IL23R: variants seen among roughly 807,000 people sequenced by gnomAD.
IL23R encodes the protein interleukin 23 receptor.
A neutral mutation model predicts 56.9 loss-of-function variants in IL23R; 34 were observed. The observed-to-expected ratio is 0.60, with a 90% confidence interval of 0.45 to 0.80. IL23R has a LOEUF of 0.80. IL23R is among the 30% of genes least tolerant of loss of function. The pLI, the probability that IL23R is intolerant of heterozygous loss-of-function variation, is 0.00. For missense variants in IL23R, 635 were observed against 730.0 expected, an observed-to-expected ratio of 0.87 and a Z score of 1.50; for synonymous variants, 230 against 249.2, an observed-to-expected ratio of 0.92 and a Z score of 0.73.
intron 6 of IL23R, among the ~76,000 whole-genome samples, chr1:67,209,084 C>T (rs993830616): frequency 6.6e-6 from 1 of 152,140 alleles, no homozygotes; most frequent in Non-Finnish European, 1.5e-5. Flanking sequence ...GCTGTAACCC[C>T]TTTGTTTTGG....
chr1:67,194,348 C>T (rs989958645), intron 4 of IL23R, among the ~76,000 whole-genome samples: 1 of 152,134 alleles, frequency 6.6e-6, no homozygotes, highest in African/African-American at 2.4e-5. Context: ...CCCCTGGCAA[C>T]CAGCCCCTAC....
At chr1:67,159,661 G>A (rs1048907092) in intron 1 of IL23R, among the ~76,000 whole-genome samples, 1 of 152,216 alleles carries the variant, frequency 6.6e-6, no homozygotes, top group African/African-American at 2.4e-5. Flanking sequence ...GGGAGGCTGA[G>A]GCTGGAGGAT....
chr1:67,214,470 A>G (rs1461495573), intron 6 of IL23R, among the ~76,000 whole-genome samples: 1 of 152,226 alleles, frequency 6.6e-6, no homozygotes, highest in Non-Finnish European at 1.5e-5. Context: ...TGAGATAACA[A>G]ATATTCTTTC....
At chr1:67,152,445 A>G (rs957169737) in intron 1 of IL23R, among the ~76,000 whole-genome samples, 2 of 152,096 alleles carry the variant, frequency 1.3e-5, no homozygotes, top group Admixed American at 6.6e-5. Context: ...ATACTTTTAT[A>G]TCTTTCTCTT....
intron 7 of IL23R, among the ~76,000 whole-genome samples, chr1:67,220,467 A>G (rs1210592538): frequency 6.6e-6 from 1 of 152,200 alleles, no homozygotes; most frequent in Non-Finnish European, 1.5e-5. Context: ...CAAAATTGAC[A>G]AAACTATTCT....
chr1:67,176,480 C>G (rs1383290412), intron 3 of IL23R, among the ~76,000 whole-genome samples: 2 of 151,812 alleles, frequency 1.3e-5, no homozygotes, highest in Non-Finnish European at 2.9e-5. Context: ...AATTTATTAT[C>G]TTTTCAGACA....
intron 6 of IL23R, among the ~76,000 whole-genome samples, chr1:67,213,496 A>G (rs1649634526): frequency 6.6e-6 from 1 of 152,174 alleles, no homozygotes; most frequent in South Asian, 2.1e-4. Flanking sequence ...CGAGGCAAGG[A>G]GAATATGTGC....
chr1:67,183,540 A>C (rs1570802702), intron 4 of IL23R, among the ~76,000 whole-genome samples: 1 of 152,184 alleles, frequency 6.6e-6, no homozygotes, highest in Admixed American at 6.5e-5. Flanking sequence ...ATCTCAAAAA[A>C]TAAAATAAAA....
intron 6 of IL23R, among the ~76,000 whole-genome samples, chr1:67,218,026 A>G (rs1346765716): frequency 1.3e-5 from 2 of 151,868 alleles, no homozygotes; most frequent in Non-Finnish European, 2.9e-5. Context: ...CCTTTCAATC[A>G]TGCTTCACTT....
At chr1:67,207,465 G>T (rs910405448) in intron 6 of IL23R, among the ~76,000 whole-genome samples, 1 of 152,156 alleles carries the variant, frequency 6.6e-6, no homozygotes, top group African/African-American at 2.4e-5. Context: ...AACTTGAATT[G>T]TGTCTCCCAG....
At chr1:67,219,831 C>A in intron 7 of IL23R, 101 bp downstream of exon 7, 1 of 1,143,986 alleles carries the variant, frequency 8.7e-7, no homozygotes, top group Non-Finnish European at 1.3e-6. Flanking sequence ...TTTGAGAGGC[C>A]AAGGCAGGAA....
chr1:67,239,222 TTAAC>T (rs1651696618), intron 8 of IL23R, among the ~76,000 whole-genome samples: 1 of 152,208 alleles, frequency 6.6e-6, no homozygotes, highest in Admixed American at 6.5e-5. Flanking sequence ...TTTTAGGAGA[TTAAC>T]TCAACTTTGA....
intron 8 of IL23R, among the ~76,000 whole-genome samples, chr1:67,238,446 G>T (rs1651636306): frequency 6.6e-6 from 1 of 152,110 alleles, no homozygotes; most frequent in Admixed American, 6.6e-5. Context: ...CTTAGGTTCA[G>T]TACAGTTCCC....
rs142506812 is a variant in IL23R, at chr1:67,168,441, C to T, written c.70+251C>T. Among the ~76,000 whole-genome samples, 72 of 152,296 alleles carry T rather than the reference C, an allele frequency of 4.7e-4. 2 individuals are homozygous for T. In the East Asian group the frequency reaches 0.01, roughly 22 times the overall value. The stretch of plus-strand genomic sequence containing the variant: ...ACATGTGGATATTTCCACAAAGGAG[C>T]TTATTAGTTTGAGTTGGCATGTTCT... On this transcript the variant is annotated intron_variant, in intron 2 of 10. Coordinates refer to ENST00000347310, the MANE Select transcript of IL23R (RefSeq NM_144701.3).
chr1:67,167,236 A>G (rs980247678), intron 1 of IL23R, among the ~76,000 whole-genome samples: 3 of 151,930 alleles, frequency 2.0e-5, no homozygotes, highest in Admixed American at 1.3e-4. Flanking sequence ...ACACTGGGCT[A>G]ATTTTTGTAT....
At chr1:67,199,141 T>TA (rs1648410651) in intron 4 of IL23R, among the ~76,000 whole-genome samples, 1 of 152,208 alleles carries the variant, frequency 6.6e-6, no homozygotes, top group African/African-American at 2.4e-5. Flanking sequence ...TTCTATCACT[T>TA]ACATGATACA....
At chr1:67,152,490 G>A (rs1646737292) in intron 1 of IL23R, among the ~76,000 whole-genome samples, 1 of 152,156 alleles carries the variant, frequency 6.6e-6, no homozygotes, top group African/African-American at 2.4e-5. Flanking sequence ...CCAATACTAT[G>A]TTGAATTGGA....
chr1:67,186,142 A>G (rs1486764679), intron 4 of IL23R, among the ~76,000 whole-genome samples: 5 of 152,136 alleles, frequency 3.3e-5, no homozygotes, highest in Non-Finnish European at 5.9e-5. Flanking sequence ...TGCTAAGTCA[A>G]CTTTAGGAAT....
intron 4 of IL23R, among the ~76,000 whole-genome samples, chr1:67,187,846 A>T (rs1430951768): frequency 6.6e-6 from 1 of 152,102 alleles, no homozygotes; most frequent in Admixed American, 6.5e-5. Flanking sequence ...CAGATGGATC[A>T]CTTGAGGTCC....
Sources: gnomAD v4.1 joint callset for allele counts (sites outside exome capture counted in the v4.1 genomes callset) on GRCh38, gnomAD v4.1.1 for gene constraint, MANE v1.5 for transcripts, NCBI Gene and HGNC (gene_info 2026-07-23, HGNC 2026-07-21) for gene names.